The following CPA6 variants were observed in gnomAD, a reference collection of about 807,000 sequenced individuals.
The protein encoded by CPA6 is carboxypeptidase B.
A neutral mutation model predicts 63.3 loss-of-function variants in CPA6; 58 were observed. The ratio of observed to expected loss-of-function variants is 0.92; its 90% CI spans 0.74 to 1.14. The LOEUF is 1.14. Among genes scored for constraint, CPA6 ranks in the 50% most tolerant of loss-of-function variants. The pLI is 0.00. For synonymous variants in CPA6, 185 were observed against 179.0 expected (o/e 1.03, Z -0.27); for missense variants, 565 against 526.6 (o/e 1.07, Z -0.71).
chr8:67,616,111 C>A (rs1295044620), intron 2 of CPA6, among the ~76,000 whole-genome samples: 1 of 152,096 alleles, frequency 6.6e-6, no homozygotes, highest in African/African-American at 2.4e-5. Flanking sequence ...ATCCATAATC[C>A]CCTAGGGAGC....
intron 2 of CPA6, among the ~76,000 whole-genome samples, chr8:67,596,121 T>C (rs1814327887): frequency 1.3e-5 from 2 of 152,356 alleles, no homozygotes; most frequent in African/African-American, 4.8e-5. Context: ...TGGGAATTGA[T>C]CTTTTATGTT....
chr8:67,448,595 G>GCCTGGGTGGCA (rs57585053), intron 8 of CPA6, among the ~76,000 whole-genome samples: 1 of 133,614 alleles, frequency 7.5e-6, no homozygotes, highest in Non-Finnish European at 1.5e-5. Context: ...TTGTGCCACT[G>GCCTGGGTGGCA]CATTCCAGCC....
chr8:67,458,503 T>C (rs867971751), intron 8 of CPA6, among the ~76,000 whole-genome samples: 3 of 152,152 alleles, frequency 2.0e-5, no homozygotes, highest in African/African-American at 7.2e-5. Flanking sequence ...TGGCCAGCAA[T>C]CACTTTTAAA....
intron 1 of CPA6, among the ~76,000 whole-genome samples, chr8:67,712,865 C>T (rs1030946809): frequency 2.0e-5 from 3 of 151,458 alleles, no homozygotes; most frequent in South Asian, 2.1e-4. Flanking sequence ...ACACTGTACA[C>T]GGACCCGCCT....
chr8:67,428,705 G>A (rs1337536951), intron 9 of CPA6, among the ~76,000 whole-genome samples: 1 of 152,058 alleles, frequency 6.6e-6, no homozygotes, highest in Non-Finnish European at 1.5e-5. Context: ...GGATGGTCTC[G>A]ATCTCCTGGC....
chr8:67,546,504 G>T (rs897566754), intron 2 of CPA6, among the ~76,000 whole-genome samples: 1 of 152,110 alleles, frequency 6.6e-6, no homozygotes, highest in African/African-American at 2.4e-5. Flanking sequence ...AGTCTTTGTA[G>T]ACATCTTTAT....
At chr8:67,437,672 C>A (rs567503415) in intron 8 of CPA6, among the ~76,000 whole-genome samples, 2 of 152,126 alleles carry the variant, frequency 1.3e-5, no homozygotes, top group African/African-American at 4.8e-5. Flanking sequence ...ATAGTAGAAA[C>A]AAACAATTTA....
At chr8:67,652,143 T>C (rs1265594699) in intron 1 of CPA6, among the ~76,000 whole-genome samples, 3 of 152,208 alleles carry the variant, frequency 2.0e-5, no homozygotes, top group Non-Finnish European at 2.9e-5. Flanking sequence ...CAGTCTATCA[T>C]TGTTGGACAT....
At chr8:67,671,056 T>C (rs1198352698) in intron 1 of CPA6, among the ~76,000 whole-genome samples, 1 of 152,246 alleles carries the variant, frequency 6.6e-6, no homozygotes, top group Non-Finnish European at 1.5e-5. Context: ...CATTTGGTGA[T>C]GGAAAATAGT....
At chr8:67,592,816 C>T (rs971805823) in intron 2 of CPA6, among the ~76,000 whole-genome samples, 56 of 152,036 alleles carry the variant, frequency 3.7e-4, no homozygotes, top group Admixed American at 9.2e-4. Flanking sequence ...TCAATTTTGT[C>T]GATCCTTTCA....
At chr8:67,539,479 G>A (rs1812659593) in intron 2 of CPA6, among the ~76,000 whole-genome samples, 1 of 152,170 alleles carries the variant, frequency 6.6e-6, no homozygotes, top group South Asian at 2.1e-4. Context: ...GTGTCTTGGG[G>A]TAGCTCTTCT....
At chr8:67,630,831 G>A (rs950947087) in intron 1 of CPA6, among the ~76,000 whole-genome samples, 5 of 152,224 alleles carry the variant, frequency 3.3e-5, no homozygotes, top group Non-Finnish European at 7.3e-5. Flanking sequence ...GCCAGCTGGC[G>A]CTGCCAGCCC....
intron 8 of CPA6, among the ~76,000 whole-genome samples, chr8:67,481,434 G>A (rs1811358583): frequency 6.6e-6 from 1 of 152,218 alleles, no homozygotes; most frequent in Non-Finnish European, 1.5e-5. Flanking sequence ...AACACCCTCA[G>A]GGGAGCTATG....
chr8:67,468,045 G>A (rs184449160), intron 8 of CPA6, among the ~76,000 whole-genome samples: 66 of 151,734 alleles, frequency 4.3e-4, no homozygotes, highest in African/African-American at 1.5e-3. Flanking sequence ...GCGACAGAAC[G>A]GGACACCATC....
At chr8:67,496,752 G>A (rs1378149800) in intron 6 of CPA6, among the ~76,000 whole-genome samples, 2 of 151,516 alleles carry the variant, frequency 1.3e-5, no homozygotes, top group African/African-American at 4.9e-5. Flanking sequence ...GTAGAAATGG[G>A]GTTTCACCAT....
intron 2 of CPA6, among the ~76,000 whole-genome samples, chr8:67,606,863 GT>G (rs1814650246): frequency 6.6e-6 from 1 of 152,212 alleles, no homozygotes; most frequent in South Asian, 2.1e-4. Flanking sequence ...AACTTTTGCA[GT>G]CAACTTCTGG....
chr8:67,689,410 C>G (rs183912858), intron 1 of CPA6, among the ~76,000 whole-genome samples: 2 of 152,096 alleles, frequency 1.3e-5, no homozygotes, highest in Non-Finnish European at 2.9e-5. Context: ...CAACAGGTAG[C>G]TTTTCAGCCC....
At chr8:67,674,990 A>T (rs1816437782) in intron 1 of CPA6, among the ~76,000 whole-genome samples, 1 of 152,126 alleles carries the variant, frequency 6.6e-6, no homozygotes, top group Non-Finnish European at 1.5e-5. Context: ...ATGAATATAA[A>T]CATGGGAAGA....
chr8:67,554,812 C>G (rs2128973473), intron 2 of CPA6, among the ~76,000 whole-genome samples: 1 of 152,230 alleles, frequency 6.6e-6, no homozygotes, highest in South Asian at 2.1e-4. Flanking sequence ...CAAATTCATC[C>G]TTCCTCTGCC....
Sources: allele counts gnomAD v4.1 joint callset (sites outside exome capture counted in the v4.1 genomes callset), GRCh38; gene constraint gnomAD v4.1.1; transcripts MANE v1.5; gene names NCBI Gene and HGNC (gene_info 2026-07-23, HGNC 2026-07-21).